SPAG17: variants seen among roughly 807,000 people sequenced by gnomAD.
SPAG17 encodes the protein sperm associated antigen 17.
A neutral mutation model predicts 273.6 loss-of-function variants in SPAG17; 169 were observed. The ratio of observed to expected loss-of-function variants is 0.62; its 90% CI spans 0.55 to 0.70. The LOEUF (loss-of-function observed/expected upper bound fraction) is 0.70. Among genes scored for constraint, SPAG17 ranks in the 30% least tolerant of loss-of-function variants. The pLI is 0.00. For missense variants in SPAG17, 2,557 were observed against 2,627.8 expected (o/e 0.97, Z 0.59); for synonymous variants, 825 against 873.2 (o/e 0.94, Z 0.97).
At chr1:118,036,103 G>C (rs1269683737) in intron 24 of SPAG17, among the ~76,000 whole-genome samples, 1 of 152,166 alleles carries the variant, frequency 6.6e-6, no homozygotes, top group Non-Finnish European at 1.5e-5. Context: ...TGGGAGGATT[G>C]CTTGAGCTCA....
At chr1:118,109,143 T>G (rs1656597213) in intron 4 of SPAG17, among the ~76,000 whole-genome samples, 1 of 151,878 alleles carries the variant, frequency 6.6e-6, no homozygotes, top group Non-Finnish European at 1.5e-5. Context: ...ATACTTCATC[T>G]TATTCTTTTT....
chr1:118,142,432 A>G (rs1658732501), intron 3 of SPAG17, among the ~76,000 whole-genome samples: 2 of 152,328 alleles, frequency 1.3e-5, no homozygotes, highest in South Asian at 4.1e-4. Context: ...ACACTACTGA[A>G]TTATACACTT....
chr1:118,142,048 C>T (rs985970152), intron 3 of SPAG17, among the ~76,000 whole-genome samples: 2 of 150,830 alleles, frequency 1.3e-5, no homozygotes, highest in Admixed American at 1.3e-4. Flanking sequence ...TGAACACCCA[C>T]GTTCATAGCA....
At chr1:118,184,011 A>G (rs1661063594) in intron 1 of SPAG17, among the ~76,000 whole-genome samples, 1 of 152,196 alleles carries the variant, frequency 6.6e-6, no homozygotes, top group Non-Finnish European at 1.5e-5. Flanking sequence ...CATCAGGAGT[A>G]TCACAACTAC....
Position 118,054,015 on chromosome 1 carries a change from T to A in SPAG17, c.2801A>T (p.Glu934Val). The A allele has an allele frequency of 1.9e-6, 3 of 1,607,710 alleles. No homozygotes were observed. Among genetic ancestry groups the A allele is most frequent in the Non-Finnish European group, 2.6e-6 (3 of 1,176,300 alleles). The part of the protein sequence containing the change: ...KEKEKIPFIL[E>V]GSLKAWKEEQ... ...AAGCTGGATTACCTTGAGAGAGCCT[T>A]CTAAAATGAAAGGAATCTTTTCCTT... Residue 934 changes from glutamate to valine, a missense_variant, in exon 20 of 49, where the codon GAA (glutamate) becomes GTA (valine). By Grantham distance (121) the Glu-to-Val change is moderately radical. Transcript: ENST00000336338.
intron 20 of SPAG17, among the ~76,000 whole-genome samples, chr1:118,043,459 C>T (rs1365784982): frequency 6.6e-6 from 1 of 152,088 alleles, no homozygotes; most frequent in African/African-American, 2.4e-5. Context: ...ATATTAAAAA[C>T]AAAGGCAATA....
At chr1:117,973,668 C>A (rs1275926424) in intron 43 of SPAG17, 107 bp from the exon 44 acceptor site, 3 of 1,097,988 alleles carry the variant, frequency 2.7e-6, no homozygotes, top group East Asian at 5.3e-5. Context: ...AACTTTTTTT[C>A]TTTGCTTTTC....
chr1:117,963,832 T>G lies in SPAG17; in HGVS notation c.6639A>C (p.Gly2213=), dbSNP rs780500936. Residue 2213 remains glycine, a synonymous_variant, in exon 48 of 49, where the codon GGA becomes GGC. Coordinates refer to ENST00000336338, the MANE Select transcript of SPAG17 (RefSeq NM_206996.4). ...RTSTIYSSTL[G]VFMSRKVSPH ...GAGAAACTTTACGAGACATGAAGACTCCAAGTGTGGAGGAATAAATTGTAG... is the reference window on the plus strand; with the variant it reads ...GAGAAACTTTACGAGACATGAAGACGCCAAGTGTGGAGGAATAAATTGTAG... 16 of 1,613,728 alleles carry G rather than the reference T, an allele frequency of 9.9e-6. No individual in the cohort carries two copies. The highest frequency in any genetic ancestry group is 1.2e-5 in the Non-Finnish European group (14 of 1,179,804).
At chr1:118,085,531 C>CGT (rs752141039) in intron 13 of SPAG17, among the ~76,000 whole-genome samples, 11 of 151,680 alleles carry the variant, frequency 7.3e-5, no homozygotes, top group South Asian at 2.1e-4. Flanking sequence ...CATACGCGTG[C>CGT]GCGCGCGCAC....
rs1655507875 is a variant in SPAG17 at position 118,093,337 on chromosome 1, T to C, written c.1012-20A>G. On this transcript the variant is annotated intron_variant, in intron 7 of 48. Transcript: ENST00000336338. ...TTTCAGCTACAAGTGAGAGATTTAA[T>C]GGCAATTGGTTACTAGTTTTACACT... is the stretch of plus-strand genomic sequence containing the variant. 1 of 1,588,700 alleles carries C rather than the reference T, an allele frequency of 6.3e-7. No individual in the cohort carries two copies.
intron 20 of SPAG17, among the ~76,000 whole-genome samples, chr1:118,046,932 G>T (rs1650424964): frequency 6.6e-6 from 1 of 152,108 alleles, no homozygotes. Flanking sequence ...AAATAGGTTA[G>T]TTGAAGAAAT....
chr1:118,014,633 T>A (rs542857499), intron 29 of SPAG17, among the ~76,000 whole-genome samples: 46 of 152,344 alleles, frequency 3.0e-4, no homozygotes, highest in African/African-American at 7.9e-4. Context: ...TTTGGTTAGA[T>A]CATGTAATCC....
intron 45 of SPAG17, 87 bp from the exon 46 acceptor site, chr1:117,970,203 G>T: frequency 7.4e-7 from 1 of 1,357,000 alleles, no homozygotes; most frequent in Non-Finnish European, 1.0e-6. Context: ...AATAAGGAAG[G>T]TGTTAATATT....
At chr1:118,007,956 C>T in intron 31 of SPAG17, 88 bp downstream of exon 31, 3 of 1,427,538 alleles carry the variant, frequency 2.1e-6, no homozygotes, top group Non-Finnish European at 2.9e-6. Flanking sequence ...GTGTACATTG[C>T]AGGCATTTTT....
chr1:117,977,365 A>G (rs1333532485), intron 43 of SPAG17, among the ~76,000 whole-genome samples: 2 of 152,192 alleles, frequency 1.3e-5, no homozygotes, highest in Non-Finnish European at 2.9e-5. Flanking sequence ...TCTTCCCTAC[A>G]TCAGGAATGT....
chr1:118,018,595 G>T (rs1253732349), intron 28 of SPAG17, among the ~76,000 whole-genome samples: 3 of 151,898 alleles, frequency 2.0e-5, no homozygotes, highest in African/African-American at 4.8e-5. Flanking sequence ...CATTTTGGGA[G>T]GCCAAGGTAG....
At chr1:118,147,978 A>T (rs919434863) in intron 3 of SPAG17, among the ~76,000 whole-genome samples, 2 of 152,196 alleles carry the variant, frequency 1.3e-5, no homozygotes, top group African/African-American at 4.8e-5. Flanking sequence ...CTAGGCTTTG[A>T]TTTAAAGCTA....
rs774856167 is a variant in SPAG17, at chr1:118,025,346, C to T, written c.3801G>A (p.Lys1267=). 9.3e-6 allele frequency: 15 copies of T among 1,613,126 alleles called. No individual in the cohort carries two copies. The highest frequency in any genetic ancestry group is 1.7e-5 in the Admixed American group (1 of 59,848). ...TCACCGTTTTATAGAACTCATAGTGCTTCACCCTCTGGGGGTAGCTCTGAC... is the reference window on the plus strand; with the variant it reads ...TCACCGTTTTATAGAACTCATAGTGTTTCACCCTCTGGGGGTAGCTCTGAC... The part of the protein sequence containing the change: ...MVRQSYPQRV[K]HYEFYKTVMP... The change falls in exon 27 of 49, where the codon AAG becomes AAA. Residue 1267 remains lysine (K), a synonymous_variant. Transcript: ENST00000336338.
chr1:118,109,427 T>G (rs1401269243), intron 4 of SPAG17, among the ~76,000 whole-genome samples: 1 of 148,672 alleles, frequency 6.7e-6, no homozygotes, highest in Non-Finnish European at 1.5e-5. Context: ...GTGGCACGCG[T>G]GCCTGTATTC....
Sources: allele counts gnomAD v4.1 joint callset (sites outside exome capture counted in the v4.1 genomes callset), GRCh38; gene constraint gnomAD v4.1.1; transcripts MANE v1.5; gene names NCBI Gene and HGNC (gene_info 2026-07-23, HGNC 2026-07-21).